FKBP11: variants seen among roughly 807,000 people sequenced by gnomAD.
FKBP11 encodes the protein FKBP prolyl isomerase 11.
FKBP11 carries 21 observed loss-of-function variants against 24.7 expected under a neutral mutation model. That is an observed-to-expected ratio of 0.85 (90% CI 0.60 to 1.23). The LOEUF is 1.23. Among genes scored for constraint, FKBP11 ranks in the 50% most tolerant of loss-of-function variants. FKBP11 has a pLI of 0.00. For missense variants in FKBP11, 245 were observed against 248.7 expected (o/e 0.99, Z 0.10); for synonymous variants, 106 against 100.6 (o/e 1.05, Z -0.32).
intron 2 of FKBP11, 124 bp downstream of exon 2, chr12:48,924,922 G>C: frequency 1.4e-6 from 2 of 1,435,936 alleles, no homozygotes; most frequent in Non-Finnish European, 1.8e-6. Context: ...CCACGTGCTC[G>C]ACGACCCCAG....
In FKBP11 at chr12:48,922,188, C is replaced by A. The variant is rs781332907; in HGVS notation, c.402G>T (p.Val134=). ...FPPSVPADAV[V]QYDVELIALI... ...GTGCAATCAGCTCCACGTCATACTG[C>A]ACCACTGCATCCGCTGGAGAGGCAG... Residue 134 remains valine, a synonymous_variant, in exon 6 of 6, where the codon GTG becomes GTT. Transcript: ENST00000550765. The A allele has an allele frequency of 1.6e-5, 26 of 1,612,684 alleles. No homozygotes were observed. The highest frequency in any genetic ancestry group is 2.0e-5 in the Non-Finnish European group (24 of 1,179,114).
At chr12:48,926,224 CTTTTTTTT>C (rs34896547), upstream of FKBP11, 1 of 85,788 alleles carries the variant, frequency 1.2e-5, no homozygotes, top group Non-Finnish European at 2.1e-5. Flanking sequence ...AAAGACTTCA[CTTTTTTTT>C]TTTTTTTTTT....
rs1360284115 is a variant in FKBP11 at position 48,925,121 on chromosome 12, G to C, written c.130-10C>G. The C allele has an allele frequency of 2.5e-6, 4 of 1,612,938 alleles. No homozygotes were observed. The highest frequency in any genetic ancestry group is 3.4e-6 in the Non-Finnish European group (4 of 1,179,546). ...GTTCTGGGGGCTCCACCTACGATCGGACTACAGGGGTCACGGATGCTCTTC... is the reference window on the plus strand; with the variant it reads ...GTTCTGGGGGCTCCACCTACGATCGCACTACAGGGGTCACGGATGCTCTTC... On this transcript the variant is annotated splice_polypyrimidine_tract_variant and intron_variant, in intron 1 of 5. Transcript: ENST00000550765.
chr12:48,937,136 G>C, the FKBP11 span: 2 of 152,480 alleles, frequency 1.3e-5, no homozygotes, highest in African/African-American at 4.8e-5. Flanking sequence ...CACTGAGGGA[G>C]ATACCCCTGG....
At chr12:48,925,005 G>GCCCCCAACCACAACCCCCCCCC in intron 2 of FKBP11, 41 bp downstream of exon 2, 1 of 1,573,326 alleles carries the variant, frequency 6.4e-7, no homozygotes, top group Non-Finnish European at 8.6e-7. Context: ...GCAGGGCGCC[G>GCCCCCAACCACAACCCCCCCCC]CCCCCTCCCA....
At chr12:48,936,103 A>G in the FKBP11 span, 5 of 152,472 alleles carry the variant, frequency 3.3e-5, no homozygotes, top group African/African-American at 9.6e-5. Flanking sequence ...CCCTTTGCTG[A>G]AAGAAGGAGC....
intron 5 of FKBP11, 141 bp from the exon 6 acceptor site, chr12:48,922,342 CT>C: frequency 1.2e-6 from 1 of 827,032 alleles, no homozygotes; most frequent in Non-Finnish European, 1.8e-6. Flanking sequence ...GCTTGAATTC[CT>C]TTAGACAAGA....
chr12:48,925,876 C>CT (rs1939953895), upstream of FKBP11: 1 of 159,778 alleles, frequency 6.3e-6, no homozygotes, highest in Admixed American at 6.1e-5. Flanking sequence ...AAACCCAGGA[C>CT]TGCCTGAGTC....
At chr12:48,924,342 C>T in intron 3 of FKBP11, 86 bp from the exon 4 acceptor site, 2 of 1,508,240 alleles carry the variant, frequency 1.3e-6, no homozygotes, top group Non-Finnish European at 1.8e-6. Context: ...CCTCCTCCAT[C>T]CTCAATTGAC....
upstream of FKBP11, among the ~76,000 whole-genome samples, chr12:48,928,440 GT>G (rs1940008611): frequency 6.6e-6 from 1 of 151,746 alleles, no homozygotes; most frequent in Non-Finnish European, 1.5e-5. Context: ...CGCCTCCTGA[GT>G]TCAAGCGAGC....
upstream of FKBP11, among the ~76,000 whole-genome samples, chr12:48,928,249 T>C (rs1048333142): frequency 1.3e-5 from 2 of 151,482 alleles, no homozygotes; most frequent in Non-Finnish European, 2.9e-5. Flanking sequence ...TTCGCCATAT[T>C]GCCCAGACTG....
At chr12:48,922,439 G>C (rs1939857242) in intron 5 of FKBP11, 14 of 810,278 alleles carry the variant, frequency 1.7e-5, no homozygotes, top group Non-Finnish European at 2.4e-5. Context: ...ACAAGTCTTT[G>C]AATGCAGGAA....
intron 2 of FKBP11, 28 bp downstream of exon 2, chr12:48,925,018 C>T: frequency 1.3e-6 from 2 of 1,484,494 alleles, no homozygotes; most frequent in Non-Finnish European, 1.9e-6. Context: ...CCCTCCCAGG[C>T]CCCGCCCCGG....
At chr12:48,927,579 A>C (rs1019829517), upstream of FKBP11, among the ~76,000 whole-genome samples, 1 of 152,238 alleles carries the variant, frequency 6.6e-6, no homozygotes, top group Non-Finnish European at 1.5e-5. Context: ...TGGCCAGTTG[A>C]CTAAGTTCTG....
chr12:48,935,553 T>C, the FKBP11 span, among the ~76,000 whole-genome samples: 1 of 152,032 alleles, frequency 6.6e-6, no homozygotes, highest in African/African-American at 2.4e-5. Flanking sequence ...AGAATAGTGG[T>C]GGGAGTGCGA....
chr12:48,932,228 TATATATATATATATATATA>T, the FKBP11 span, among the ~76,000 whole-genome samples: 1 of 32,834 alleles, frequency 3.0e-5, no homozygotes, highest in Non-Finnish European at 4.9e-5. Flanking sequence ...AACATATATT[TATATATATATATATATATA>T]TATATATATA....
upstream of FKBP11, among the ~76,000 whole-genome samples, chr12:48,926,998 T>C (rs892803892): frequency 2.0e-5 from 3 of 152,056 alleles, no homozygotes; most frequent in Middle Eastern, 3.4e-3. Flanking sequence ...TTAGTAGAGA[T>C]GGGGTTTCGC....
chr12:48,926,799 T>C (rs1157051655), upstream of FKBP11, among the ~76,000 whole-genome samples: 1 of 150,468 alleles, frequency 6.6e-6, no homozygotes, highest in Non-Finnish European at 1.5e-5. Flanking sequence ...AGCCCACTTT[T>C]TAAAAGTTTT....
chr12:48,924,907 C>T, intron 2 of FKBP11, 139 bp downstream of exon 2: 1 of 1,440,708 alleles, frequency 6.9e-7, no homozygotes, highest in Non-Finnish European at 9.1e-7. Flanking sequence ...ACGTCTCTCC[C>T]CTCGCCACGT....
Sources: allele counts gnomAD v4.1 joint callset (sites outside exome capture counted in the v4.1 genomes callset), GRCh38; gene constraint gnomAD v4.1.1; transcripts MANE v1.5; gene names NCBI Gene and HGNC (gene_info 2026-07-23, HGNC 2026-07-21).